ADGRL3: variants seen among roughly 807,000 people sequenced by gnomAD.
The protein encoded by ADGRL3 is calcium-independent alpha-latrotoxin receptor 3.
Under a neutral mutation model 153.5 loss-of-function variants are expected in ADGRL3, and 62 were observed. That is an observed-to-expected ratio of 0.40 (90% confidence interval 0.33 to 0.50). ADGRL3 has a LOEUF of 0.50. ADGRL3 is among the 20% of genes least tolerant of loss of function. The pLI is 0.47. For missense variants in ADGRL3, 1,641 were observed against 1,859.4 expected (o/e 0.88, Z 2.16); for synonymous variants, 710 against 672.5 (o/e 1.06, Z -0.86).
chr4:61,601,455 A>C (rs1226492055), intron 5 of ADGRL3, among the ~76,000 whole-genome samples: 7 of 152,192 alleles, frequency 4.6e-5, no homozygotes, highest in East Asian at 3.9e-4. Flanking sequence ...AATGAGCTCT[A>C]CTCAATGAAT....
chr4:61,497,032 C>G, intron 2 of ADGRL3, 89 bp from the exon 3 acceptor site: 2 of 396,260 alleles, frequency 5.0e-6, no homozygotes, highest in Non-Finnish European at 4.4e-6. Flanking sequence ...AGGATATTAA[C>G]ATGATGGCAA....
chr4:61,887,468 C>T (rs2098545993), intron 9 of ADGRL3, among the ~76,000 whole-genome samples: 2 of 152,120 alleles, frequency 1.3e-5, no homozygotes, highest in South Asian at 4.1e-4. Flanking sequence ...TATATTTTCT[C>T]ATTTTTAAAA....
At chr4:62,041,408 A>C (rs1164113528) in intron 24 of ADGRL3, among the ~76,000 whole-genome samples, 3 of 151,884 alleles carry the variant, frequency 2.0e-5, no homozygotes, top group African/African-American at 7.3e-5. Context: ...TATTTTATTG[A>C]TTTTTAGATA....
chr4:61,220,242 C>T (rs1744848426), intron 1 of ADGRL3, among the ~76,000 whole-genome samples: 1 of 151,816 alleles, frequency 6.6e-6, no homozygotes, highest in African/African-American at 2.4e-5. Context: ...AAGGTAGGGG[C>T]TTAGTATATT....
intron 4 of ADGRL3, among the ~76,000 whole-genome samples, chr4:61,531,912 G>C (rs978443878): frequency 2.6e-5 from 4 of 152,160 alleles, no homozygotes; most frequent in African/African-American, 9.7e-5. Context: ...CCTAACTTTA[G>C]AGTGTGTAAT....
intron 2 of ADGRL3, chr4:61,420,349 A>G (rs2097189038): frequency 7.3e-6 from 1 of 137,676 alleles, no homozygotes; most frequent in Non-Finnish European, 1.5e-5. Context: ...TTCTTCACAT[A>G]TTTTTATCAT....
chr4:61,454,788 A>G (rs1236486603), intron 2 of ADGRL3, among the ~76,000 whole-genome samples: 2 of 152,176 alleles, frequency 1.3e-5, no homozygotes, highest in Non-Finnish European at 2.9e-5. Context: ...AGACACTCAT[A>G]CAAATATGTG....
At chr4:61,292,606 C>T (rs147721350) in intron 1 of ADGRL3, among the ~76,000 whole-genome samples, 279 of 152,220 alleles carry the variant, frequency 1.8e-3, no homozygotes, top group African/African-American at 6.4e-3. Context: ...GCTATGCATC[C>T]GATGCATGGT....
chr4:61,371,166 G>T (rs1403572110), intron 1 of ADGRL3, among the ~76,000 whole-genome samples: 1 of 150,114 alleles, frequency 6.7e-6, no homozygotes, highest in African/African-American at 2.5e-5. Context: ...CACACTGATG[G>T]GTCTTGACTC....
intron 2 of ADGRL3, among the ~76,000 whole-genome samples, chr4:61,446,538 A>C (rs1479474531): frequency 1.3e-5 from 2 of 152,188 alleles, no homozygotes; most frequent in Non-Finnish European, 2.9e-5. Context: ...CTTCTACTAC[A>C]TCTACATAGA....
intron 8 of ADGRL3, among the ~76,000 whole-genome samples, chr4:61,780,138 G>A (rs2097198016): frequency 6.6e-6 from 1 of 152,214 alleles, no homozygotes; most frequent in South Asian, 2.1e-4. Flanking sequence ...CTAGACTTAG[G>A]CTGCTCAGGC....
chr4:61,277,280 G>C (rs1280728451), intron 1 of ADGRL3, among the ~76,000 whole-genome samples: 1 of 152,032 alleles, frequency 6.6e-6, no homozygotes, highest in East Asian at 1.9e-4. Context: ...ATAAGGACTA[G>C]AGCTATGAAT....
intron 1 of ADGRL3, among the ~76,000 whole-genome samples, chr4:61,309,129 C>T (rs1202524998): frequency 1.3e-5 from 2 of 152,144 alleles, no homozygotes; most frequent in African/African-American, 2.4e-5. Context: ...TTACTAATTT[C>T]GACTTAATTT....
chr4:61,643,684 G>A lies in ADGRL3; in HGVS notation c.474-33142G>A, dbSNP rs1403343755. ...AGCTTTTTGATGTGCTGCTGGATTC[G>A]GTTTGCCAGTATTTTATTGAGGATT... On this transcript the variant is annotated intron_variant, in intron 5 of 26. Transcript: ENST00000683033. 3.4e-3 allele frequency among the ~76,000 whole-genome samples: 399 copies of A among 117,270 alleles called. 1 individual carries two copies. The highest frequency in any genetic ancestry group is 8.6e-3 in the African/African-American group (273 of 31,690). The allele number at this position is 117,270 out of a possible 152,430, so 76.9% of individuals were successfully genotyped here.
At chr4:61,415,934 T>C (rs904773574) in intron 2 of ADGRL3, among the ~76,000 whole-genome samples, 1 of 152,082 alleles carries the variant, frequency 6.6e-6, no homozygotes, top group African/African-American at 2.4e-5. Flanking sequence ...TGAACTGTTT[T>C]TTCCATAAAA....
intron 1 of ADGRL3, among the ~76,000 whole-genome samples, chr4:61,368,991 A>G (rs1207442778): frequency 1.3e-5 from 2 of 152,160 alleles, no homozygotes; most frequent in Admixed American, 6.6e-5. Context: ...CTTTGAAGCA[A>G]TTGTGAATGG....
chr4:61,391,552 A>G (rs1017668743), intron 2 of ADGRL3, among the ~76,000 whole-genome samples: 2 of 152,070 alleles, frequency 1.3e-5, no homozygotes, highest in African/African-American at 4.8e-5. Flanking sequence ...GTCTGCATGT[A>G]TGTGCGTAAG....
intron 5 of ADGRL3, among the ~76,000 whole-genome samples, chr4:61,619,035 T>C (rs886851956): frequency 2.6e-5 from 4 of 152,128 alleles, no homozygotes; most frequent in Admixed American, 2.0e-4. Flanking sequence ...TGTGTTTAAG[T>C]CACATTTTTT....
intron 8 of ADGRL3, among the ~76,000 whole-genome samples, chr4:61,734,178 TG>T (rs1185960500): frequency 6.6e-6 from 1 of 152,222 alleles, no homozygotes; most frequent in Non-Finnish European, 1.5e-5. Flanking sequence ...TCTTTAAAAG[TG>T]CCCCTTTTCC....
Sources: allele counts gnomAD v4.1 joint callset (sites outside exome capture counted in the v4.1 genomes callset), GRCh38; gene constraint gnomAD v4.1.1; transcripts MANE v1.5; gene names NCBI Gene and HGNC (gene_info 2026-07-23, HGNC 2026-07-21).